STMN3: variants seen among roughly 807,000 people sequenced by gnomAD.
The protein encoded by STMN3 is stathmin-3.
Under a neutral mutation model 23.2 loss-of-function variants are expected in STMN3, and 24 were observed. The observed-to-expected ratio is 1.03, with a 90% CI of 0.75 to 1.45. The LOEUF is 1.45. STMN3 is among the 40% of genes most tolerant of loss of function. The pLI is 0.00. For missense variants in STMN3, 235 were observed against 237.6 expected (o/e 0.99, Z 0.07); for synonymous variants, 117 against 103.4 (o/e 1.13, Z -0.80).
chr20:63,643,817 T>C lies in STMN3; in HGVS notation c.230A>G (p.Lys77Arg). 1 of 1,561,390 alleles carries C rather than the reference T, an allele frequency of 6.4e-7. No homozygotes were observed. Residue 77 changes from lysine (K) to arginine (R), a missense_variant, in exon 3 of 5, where the codon AAG (lysine) becomes AGG (arginine). By Grantham distance (26) the Lys-to-Arg change is conservative. Coordinates refer to ENST00000370053, the MANE Select transcript of STMN3 (RefSeq NM_015894.4). ...CAGCTCCTCCAGGGAGGTGTCCTTC[T>C]TCTTGGGTGGGGAGGAGAGCATAGG... The part of the protein sequence containing the change: ...ESPMLSSPPK[K>R]KDTSLEELQK...
intron 1 of STMN3, among the ~76,000 whole-genome samples, chr20:63,646,543 C>T (rs547823070): frequency 5.9e-5 from 9 of 151,676 alleles, no homozygotes; most frequent in Non-Finnish European, 7.4e-5. Context: ...TTAGTAGAGA[C>T]GGGGTTTCAC....
At chr20:63,643,339 T>C (rs549955736) in intron 3 of STMN3, among the ~76,000 whole-genome samples, 1 of 152,114 alleles carries the variant, frequency 6.6e-6, no homozygotes, top group Admixed American at 6.6e-5. Context: ...AGGAGTGCAG[T>C]GGCGCAGTCT....
In STMN3 at chr20:63,641,680, C is replaced by CTAA. The variant is rs567729697; in HGVS notation, c.484-284_484-283insTTA. 5.6e-4 allele frequency among the ~76,000 whole-genome samples: 86 copies of CTAA among 152,322 alleles called. No individual in the cohort carries two copies. In the South Asian group the frequency reaches 7.9e-3, roughly 14 times the overall value. ...CTTTCAATATAATGAATTTAGCCAT[C>CTAA]TATTACTGCGGCTAGTTACTGTCCC... On this transcript the variant is annotated intron_variant, in intron 4 of 4. Coordinates refer to ENST00000370053, the MANE Select transcript of STMN3 (RefSeq NM_015894.4).
chr20:63,652,865 G>C lies in STMN3; in HGVS notation c.19+462C>G. On this transcript the variant is annotated intron_variant, in intron 1 of 4. Coordinates refer to ENST00000370053, the MANE Select transcript of STMN3 (RefSeq NM_015894.4). This position sits in a 1 kb window ranked among gnomAD's most constrained non-coding sequence, Gnocchi z 5.3. ...CAGCCCCTGTGCTGCACTGGCGCGG[G>C]GAGCGCCGGGTTCCCGGCTGGGGCT... 1 of 887,408 alleles carries C rather than the reference G, an allele frequency of 1.1e-6. No homozygotes were observed. The highest frequency in any genetic ancestry group is 1.4e-6 in the Non-Finnish European group (1 of 740,362). The allele number at this position is 887,408 out of a possible 1,614,324, so 55.0% of individuals were successfully genotyped here.
intron 1 of STMN3, among the ~76,000 whole-genome samples, chr20:63,647,729 A>T (rs920520611): frequency 8.2e-6 from 1 of 121,394 alleles, no homozygotes; most frequent in African/African-American, 2.9e-5. Context: ...TATATTATAT[A>T]CATATATATA....
At chr20:63,651,384 G>A (rs984527682) in intron 1 of STMN3, among the ~76,000 whole-genome samples, 7 of 152,146 alleles carry the variant, frequency 4.6e-5, no homozygotes, top group Admixed American at 6.5e-5. Context: ...TTGGGAGCTC[G>A]CGGAGGTGGG....
rs375233051 is a variant in STMN3 at position 63,641,400 on chromosome 20, G to A, written c.484-3C>T. 5.1e-6 allele frequency: 8 copies of A among 1,564,586 alleles called. No homozygotes were observed. Among genetic ancestry groups the A allele is most frequent in the African/African-American group, 1.4e-5 (1 of 73,920 alleles). ...CGCACCTCGGCCGCGTGCAGCTCCT[G>A]CAGGACAGGGGGCGGGAGGGCCTGA... On this transcript the variant is annotated splice_polypyrimidine_tract_variant and splice_region_variant and intron_variant, in intron 4 of 4. Transcript: ENST00000370053.
In STMN3 at chr20:63,651,974, C is replaced by T. The variant is rs144777509; in HGVS notation, c.19+1353G>A. On this transcript the variant is annotated intron_variant, in intron 1 of 4. Coordinates refer to ENST00000370053, the MANE Select transcript of STMN3 (RefSeq NM_015894.4). ...GCGGCCCTGGAGAGGACGGCGCTGCCCTCAGGGGCAGGAGGGGAGTCCCCT... is the reference window on the plus strand; with the variant it reads ...GCGGCCCTGGAGAGGACGGCGCTGCTCTCAGGGGCAGGAGGGGAGTCCCCT... 8.7e-4 allele frequency among the ~76,000 whole-genome samples: 133 copies of T among 152,324 alleles called. 1 individual carries two copies. The East Asian group carries it at 0.011, about 12-fold the overall frequency.
chr20:63,641,353 T>G lies in STMN3; in HGVS notation c.528A>C (p.Glu176Asp), dbSNP rs2315006. Residue 176 changes from glutamate (E) to aspartate (D), a missense_variant, in exon 5 of 5, where the codon GAA (glutamate) becomes GAC (aspartate). Glu to Asp is a conservative substitution (Grantham distance 45). Transcript: ENST00000370053. ...TCCCGGGCCCTTAGCCCGACATCTCTTCTCGCTGCTCCTTGTTCCTGCGCA... is the reference window on the plus strand; with the variant it reads ...TCCCGGGCCCTTAGCCCGACATCTCGTCTCGCTGCTCCTTGTTCCTGCGCA... Reference protein sequence around the residue: ...AEVRRNKEQREEMSG With the variant: ...AEVRRNKEQRDEMSG 5.7e-6 allele frequency: 9 copies of G among 1,568,944 alleles called. No individual in the cohort carries two copies. Among genetic ancestry groups the G allele is most frequent in the Non-Finnish European group, 7.8e-6 (9 of 1,157,846 alleles).
At chr20:63,651,064 A>G (rs771110571) in intron 1 of STMN3, among the ~76,000 whole-genome samples, 61 of 151,402 alleles carry the variant, frequency 4.0e-4, no homozygotes, top group Non-Finnish European at 7.5e-4. Context: ...GGGTCAAGCA[A>G]TTATCCTGCC....
At chr20:63,651,939 AGGGCAGGAGGC>A (rs1189913719) in intron 1 of STMN3, among the ~76,000 whole-genome samples, 1 of 152,154 alleles carries the variant, frequency 6.6e-6, no homozygotes, top group Admixed American at 6.5e-5. Context: ...GCTGTCAGGA[AGGGCAGGAGGC>A]GGCCCTGGAG....
In STMN3 at chr20:63,642,141, G is replaced by T; in HGVS notation, c.450C>A (p.His150Gln). Residue 150 changes from histidine (H) to glutamine (Q), a missense_variant, in exon 4 of 5, where the codon CAC becomes CAA. His to Gln is a conservative substitution (Grantham distance 24, BLOSUM62 0). Transcript: ENST00000370053. ...GCAGCCGCTCGCGCAGTGCGGCCAGGTGTGCCTCGCGGATCTCCTTGCTGA... is the reference window on the plus strand; with the variant it reads ...GCAGCCGCTCGCGCAGTGCGGCCAGTTGTGCCTCGCGGATCTCCTTGCTGA... ...MELSKEIREA[H>Q]LAALRERLRE... is the part of the protein sequence containing the mutation. The T allele has an allele frequency of 1.4e-6, 2 of 1,417,450 alleles. No individual in the cohort carries two copies. The highest frequency in any genetic ancestry group is 1.9e-6 in the Non-Finnish European group (2 of 1,071,362). 87.8% of individuals were successfully genotyped at this position (1,417,450 alleles called of 1,614,324 possible).
intron 1 of STMN3, among the ~76,000 whole-genome samples, chr20:63,651,769 A>C (rs1429084114): frequency 3.9e-5 from 6 of 152,236 alleles, no homozygotes; most frequent in East Asian, 1.9e-4. Context: ...AGCTCGGACA[A>C]CACCACACAG....
rs879718836 is a variant in STMN3, at chr20:63,643,816, C to T, written c.231G>A (p.Lys77=). 3.8e-6 allele frequency: 6 copies of T among 1,561,518 alleles called. No homozygotes were observed. The highest frequency in any genetic ancestry group is 5.2e-6 in the Non-Finnish European group (6 of 1,164,000). The change falls in exon 3 of 5, where the codon AAG becomes AAA. Residue 77 remains lysine, a synonymous_variant. Coordinates refer to ENST00000370053, the MANE Select transcript of STMN3 (RefSeq NM_015894.4). ...GCAGCTCCTCCAGGGAGGTGTCCTT[C>T]TTCTTGGGTGGGGAGGAGAGCATAG... is the stretch of plus-strand genomic sequence containing the variant. ...ESPMLSSPPK[K]KDTSLEELQK...
At chr20:63,647,002 C>T (rs1360672474) in intron 1 of STMN3, among the ~76,000 whole-genome samples, 1 of 151,766 alleles carries the variant, frequency 6.6e-6, no homozygotes, top group Non-Finnish European at 1.5e-5. Flanking sequence ...GGCCTACACA[C>T]CAGCTTAAAA....
chr20:63,648,699 G>A (rs780321564), intron 1 of STMN3, among the ~76,000 whole-genome samples: 2 of 152,168 alleles, frequency 1.3e-5, no homozygotes, highest in Non-Finnish European at 2.9e-5. Context: ...TTGTGCCACT[G>A]CGTTCCAGCC....
intron 3 of STMN3, among the ~76,000 whole-genome samples, chr20:63,643,195 G>T (rs58675328): frequency 0.45 from 68,722 of 152,004 alleles, 16,007 homozygotes; most frequent in Middle Eastern, 0.51. Context: ...CCCTGACAAG[G>T]GTGCCTCCCA....
chr20:63,646,877 C>T (rs2089813377), intron 1 of STMN3, among the ~76,000 whole-genome samples: 1 of 151,790 alleles, frequency 6.6e-6, no homozygotes, highest in African/African-American at 2.4e-5. Flanking sequence ...CCTCAGCCTC[C>T]CAAGTAGCAG....
chr20:63,647,661 T>C (rs542996884), intron 1 of STMN3, among the ~76,000 whole-genome samples: 86 of 130,630 alleles, frequency 6.6e-4, no homozygotes, highest in Non-Finnish European at 1.2e-3. Context: ...TGTATATATA[T>C]AATATATATA....
Sources: gnomAD v4.1 joint callset for allele counts (sites outside exome capture counted in the v4.1 genomes callset) on GRCh38, gnomAD v4.1.1 for gene constraint, Gnocchi (gnomAD v3.1) non-coding constraint, MANE v1.5 for transcripts, NCBI Gene and HGNC (gene_info 2026-07-23, HGNC 2026-07-21) for gene names.